Variants in CAMKMT observed in about 807,000 individuals in gnomAD.
CAMKMT encodes the protein calmodulin-lysine N-methyltransferase, also known as CaM KMT.
Under a neutral mutation model 48.0 loss-of-function variants are expected in CAMKMT, and 53 were observed. The ratio of observed to expected loss-of-function variants is 1.10; its 90% CI spans 0.89 to 1.39. The LOEUF is 1.39. CAMKMT is among the 40% of genes most tolerant of loss of function. The probability of loss-of-function intolerance (pLI) is 0.00; values close to 1 mark genes in which losing one functional copy is unlikely to be tolerated. For missense variants in CAMKMT, 428 were observed against 402.7 expected, an observed-to-expected ratio of 1.06 and a Z score of -0.54; for synonymous variants, 165 against 152.3, an observed-to-expected ratio of 1.08 and a Z score of -0.61.
chr2:44,456,738 C>G lies in CAMKMT; in HGVS notation c.376+66433C>G, dbSNP rs1053344042. The stretch of plus-strand genomic sequence containing the variant: ...CTTCATTACAATCATAGCAGAAATC[C>G]TCATGCTAAATGTTTTTCTTTTCCT... On this transcript the variant is annotated intron_variant, in intron 3 of 10. Coordinates refer to ENST00000378494, the MANE Select transcript of CAMKMT (RefSeq NM_024766.5). 8.7e-6 allele frequency: 7 copies of G among 806,864 alleles called. No individual in the cohort carries two copies. The Admixed American group carries it at 2.3e-4, about 26-fold the overall frequency. 50.0% of individuals were successfully genotyped at this position (806,864 alleles called of 1,614,324 possible).
intron 3 of CAMKMT, among the ~76,000 whole-genome samples, chr2:44,461,022 C>T (rs1479519493): frequency 1.3e-5 from 2 of 152,106 alleles, no homozygotes; most frequent in Non-Finnish European, 2.9e-5. Flanking sequence ...CCATGCCTGC[C>T]CTGAGTGACA....
rs375709105 is a variant in CAMKMT at position 44,707,814 on chromosome 2, G to T, written c.556+352G>T. Among the ~76,000 whole-genome samples, 9 of 152,074 alleles carry T rather than the reference G, an allele frequency of 5.9e-5. No individual in the cohort carries two copies. The East Asian group carries it at 1.5e-3, about 26-fold the overall frequency. The stretch of plus-strand genomic sequence containing the variant: ...AAATTATTTGGTATTTATTGTATTT[G>T]GATATTGCTGGCAAATATTAACTTC... On this transcript the variant is annotated intron_variant, in intron 6 of 10. Coordinates refer to ENST00000378494, the MANE Select transcript of CAMKMT (RefSeq NM_024766.5).
At chr2:44,531,619 A>T (rs1432377016) in intron 3 of CAMKMT, among the ~76,000 whole-genome samples, 2 of 152,208 alleles carry the variant, frequency 1.3e-5, no homozygotes, top group East Asian at 3.9e-4. Context: ...AGGGCTTTCC[A>T]CTTTATGATT....
chr2:44,431,222 C>CT (rs765602849), intron 3 of CAMKMT, among the ~76,000 whole-genome samples: 1 of 151,856 alleles, frequency 6.6e-6, no homozygotes, highest in Non-Finnish European at 1.5e-5. Context: ...TAAACTGATA[C>CT]TTTTTTTTCC....
At chr2:44,715,512 A>G (rs1015934342) in intron 7 of CAMKMT, among the ~76,000 whole-genome samples, 159 bp downstream of exon 7, 2 of 152,240 alleles carry the variant, frequency 1.3e-5, no homozygotes, top group Admixed American at 1.3e-4. Context: ...TTTAATGCTC[A>G]TTGGAATACT....
At chr2:44,394,425 GAC>G (rs1418423148) in intron 3 of CAMKMT, among the ~76,000 whole-genome samples, 942 of 16,612 alleles carry the variant, frequency 0.057, 6 homozygotes, top group Non-Finnish European at 0.11. Context: ...TTCTAAGACT[GAC>G]CAGGATTTTT....
chr2:44,676,107 G>T (rs1394459728), intron 3 of CAMKMT, among the ~76,000 whole-genome samples: 1 of 152,158 alleles, frequency 6.6e-6, no homozygotes, highest in African/African-American at 2.4e-5. Flanking sequence ...TGAAACTGTG[G>T]CTCAGACTAG....
At position 44,674,865 on chromosome 2, in the gene CAMKMT, A is replaced by G. The variant is rs145531538; in HGVS notation, c.377-29418A>G. ...TAATAGCCTCACATTCTTGGCATGT[A>G]ATGATTTCTTCCCCACAAGGAAAAA... On this transcript the variant is annotated intron_variant, in intron 3 of 10. Coordinates refer to ENST00000378494, the MANE Select transcript of CAMKMT (RefSeq NM_024766.5). Among the ~76,000 whole-genome samples, 5 of 152,036 alleles carry G rather than the reference A, an allele frequency of 3.3e-5. No individual in the cohort carries two copies. In the South Asian group the frequency reaches 8.3e-4, roughly 25 times the overall value.
intron 3 of CAMKMT, among the ~76,000 whole-genome samples, chr2:44,637,125 A>AG (rs1337221758): frequency 6.6e-6 from 1 of 152,254 alleles, no homozygotes; most frequent in African/African-American, 2.4e-5. Context: ...GGCCATGGCT[A>AG]GAGGCACCTG....
intron 1 of CAMKMT, among the ~76,000 whole-genome samples, chr2:44,364,736 G>A (rs1678408709): frequency 6.6e-6 from 1 of 152,090 alleles, no homozygotes; most frequent in Non-Finnish European, 1.5e-5. Context: ...TGCATCTGGG[G>A]GCCACCTGGG....
intron 3 of CAMKMT, among the ~76,000 whole-genome samples, chr2:44,664,349 G>A (rs775651898): frequency 1.3e-5 from 2 of 152,136 alleles, no homozygotes; most frequent in Non-Finnish European, 2.9e-5. Context: ...TGGAACAAAC[G>A]TTAGAAATTT....
intron 3 of CAMKMT, among the ~76,000 whole-genome samples, chr2:44,502,821 T>G (rs1670070510): frequency 6.6e-6 from 1 of 152,184 alleles, no homozygotes; most frequent in Non-Finnish European, 1.5e-5. Flanking sequence ...TTATCCATAA[T>G]AAAATATATT....
At chr2:44,436,666 A>C (rs1085448) in intron 3 of CAMKMT, among the ~76,000 whole-genome samples, 117,249 of 151,846 alleles carry the variant, frequency 0.77, 45,550 homozygotes, top group South Asian at 0.87. Flanking sequence ...GACCAAAAGT[A>C]CTTAGTTTGC....
intron 3 of CAMKMT, among the ~76,000 whole-genome samples, chr2:44,558,132 G>T (rs1439696463): frequency 6.6e-6 from 1 of 152,052 alleles, no homozygotes; most frequent in Non-Finnish European, 1.5e-5. Context: ...ATAGCTCACT[G>T]CAGCCTCGAA....
At chr2:44,485,837 C>G (rs1669190668) in intron 3 of CAMKMT, among the ~76,000 whole-genome samples, 1 of 152,160 alleles carries the variant, frequency 6.6e-6, no homozygotes, top group Non-Finnish European at 1.5e-5. Flanking sequence ...CAAAACCAAT[C>G]TGTGGTGTTA....
chr2:44,762,054 G>A (rs985009616), intron 9 of CAMKMT, among the ~76,000 whole-genome samples: 6 of 152,152 alleles, frequency 3.9e-5, no homozygotes, highest in East Asian at 1.9e-4. Context: ...TAGATGGAAC[G>A]TGATGAAAAA....
chr2:44,445,962 A>T (rs1666971821), intron 3 of CAMKMT, among the ~76,000 whole-genome samples: 1 of 152,026 alleles, frequency 6.6e-6, no homozygotes, highest in African/African-American at 2.4e-5. Flanking sequence ...TGTCAGCAGG[A>T]AGCAGTTAAG....
At position 44,732,368 on chromosome 2, in the gene CAMKMT, A is replaced by G. The variant is rs1679122607; in HGVS notation, c.624-11254A>G. Among the ~76,000 whole-genome samples, 3 of 152,228 alleles carry G rather than the reference A, an allele frequency of 2.0e-5. No individual in the cohort carries two copies. The South Asian group carries it at 6.2e-4, about 32-fold the overall frequency. ...TTTTGAATGGAAATAAGATTTTAAT[A>G]TTGTGATGAAATAAAATGGAGAGAA... On this transcript the variant is annotated intron_variant, in intron 7 of 10. Coordinates refer to ENST00000378494, the MANE Select transcript of CAMKMT (RefSeq NM_024766.5).
At chr2:44,483,280 T>C (rs527794618) in intron 3 of CAMKMT, among the ~76,000 whole-genome samples, 2 of 152,286 alleles carry the variant, frequency 1.3e-5, no homozygotes, top group African/African-American at 4.8e-5. Flanking sequence ...TCTTCTGTGC[T>C]TTCAGAAAAA....
Sources: gnomAD v4.1 joint callset for allele counts (sites outside exome capture counted in the v4.1 genomes callset) on GRCh38, gnomAD v4.1.1 for gene constraint, MANE v1.5 for transcripts, NCBI Gene and HGNC (gene_info 2026-07-23, HGNC 2026-07-21) for gene names.